ZBTB7C: variants seen among roughly 807,000 people sequenced by gnomAD.
ZBTB7C encodes zinc finger and BTB domain-containing protein 7C.
Under a neutral mutation model 25.7 loss-of-function variants are expected in ZBTB7C, and 8 were observed. The ratio of observed to expected loss-of-function variants is 0.31; its 90% CI spans 0.18 to 0.56. ZBTB7C has a LOEUF of 0.56. Ranked by LOEUF, ZBTB7C falls within the 20% of genes least tolerant of loss-of-function variation. The pLI, the probability that ZBTB7C is intolerant of heterozygous loss-of-function variation, is 0.91. For synonymous variants in ZBTB7C, 394 were observed against 369.0 expected (o/e 1.07, Z -0.78); for missense variants, 824 against 855.2 (o/e 0.96, Z 0.46).
chr18:48,303,062 A>C lies in ZBTB7C; in HGVS notation c.-79+35112T>G, dbSNP rs547235375. On this transcript the variant is annotated intron_variant, in intron 2 of 4. Transcript: ENST00000590800. ...GTCTCCCCTCCCTCGCTTCCCTATT[A>C]CTGGGAGTGCTTAATGTGCACCCAT... Among the ~76,000 whole-genome samples the C allele has an allele frequency of 2.6e-5, 4 of 152,272 alleles. No individual in the cohort carries two copies. In the South Asian group the frequency reaches 8.3e-4, roughly 32 times the overall value.
At chr18:48,287,842 C>CTGTTAA (rs1598787404) in intron 2 of ZBTB7C, among the ~76,000 whole-genome samples, 1 of 152,276 alleles carries the variant, frequency 6.6e-6, no homozygotes, top group East Asian at 1.9e-4. Flanking sequence ...GTAAGGGAGA[C>CTGTTAA]ACCTGATAAA....
chr18:48,284,290 T>C (rs1002147458), intron 2 of ZBTB7C, among the ~76,000 whole-genome samples: 14 of 152,032 alleles, frequency 9.2e-5, no homozygotes, highest in Admixed American at 8.5e-4. Flanking sequence ...AAAATAAAAA[T>C]TAGCCTGGCA....
chr18:48,318,822 G>A (rs957729326), intron 2 of ZBTB7C, among the ~76,000 whole-genome samples: 20 of 152,162 alleles, frequency 1.3e-4, no homozygotes, highest in Non-Finnish European at 1.6e-4. Flanking sequence ...TGGGTCCCTG[G>A]TATGGAGGGG....
At chr18:48,351,909 A>G (rs888052989) in intron 1 of ZBTB7C, among the ~76,000 whole-genome samples, 2 of 152,076 alleles carry the variant, frequency 1.3e-5, no homozygotes, top group Non-Finnish European at 2.9e-5. Context: ...GAGCAGACAG[A>G]GGGGAGTGCT....
At chr18:48,278,154 AC>A (rs2044723308) in intron 2 of ZBTB7C, among the ~76,000 whole-genome samples, 2 of 152,204 alleles carry the variant, frequency 1.3e-5, no homozygotes, top group African/African-American at 4.8e-5. Flanking sequence ...TCTGGGCTTG[AC>A]GTGATCTTGC....
At chr18:48,390,732 G>A (rs796744005) in intron 1 of ZBTB7C, among the ~76,000 whole-genome samples, 13 of 152,266 alleles carry the variant, frequency 8.5e-5, no homozygotes, top group African/African-American at 2.4e-4. Context: ...CAGCCCCAGC[G>A]GGCCACAGTT....
intron 2 of ZBTB7C, among the ~76,000 whole-genome samples, chr18:48,254,208 G>A (rs1045963258): frequency 6.6e-6 from 1 of 152,238 alleles, no homozygotes; most frequent in African/African-American, 2.4e-5. Context: ...ACATAGACAA[G>A]AAAGCTGGAA....
rs149096957 is a variant in ZBTB7C at position 48,371,089 on chromosome 18, GGA to G, written c.-303-32693_-303-32692del. ...TTCTCTGCATGTCTCAAGTTTTTCT[GGA>G]GAGAGAGTACCTAGCTTTCACTTAT... On this transcript the variant is annotated intron_variant, in intron 1 of 4. Transcript: ENST00000590800. Among the ~76,000 whole-genome samples the G allele has an allele frequency of 9.6e-3, 1,469 of 152,268 alleles. 29 individuals carry two copies. The highest frequency in any genetic ancestry group is 0.033 in the African/African-American group (1,364 of 41,558).
chr18:48,330,456 C>A (rs2046318369), intron 2 of ZBTB7C, among the ~76,000 whole-genome samples: 1 of 152,126 alleles, frequency 6.6e-6, no homozygotes, highest in Non-Finnish European at 1.5e-5. Context: ...ACCGGGCCAG[C>A]TTCATGGTGT....
intron 3 of ZBTB7C, among the ~76,000 whole-genome samples, chr18:48,060,018 C>A (rs969670307): frequency 3.3e-5 from 5 of 152,106 alleles, no homozygotes; most frequent in Admixed American, 3.3e-4. Flanking sequence ...AGGAGGAGAG[C>A]CCCTTTGTAA....
chr18:48,402,711 C>T (rs947021911), intron 1 of ZBTB7C, among the ~76,000 whole-genome samples: 3 of 151,886 alleles, frequency 2.0e-5, no homozygotes, highest in African/African-American at 7.3e-5. Flanking sequence ...AATGTTTTTC[C>T]CAATTATATT....
rs540072636 is a variant in ZBTB7C at position 48,078,154 on chromosome 18, T to C, written c.-16-37031A>G. 3.9e-5 allele frequency among the ~76,000 whole-genome samples: 6 copies of C among 152,328 alleles called. No individual in the cohort carries two copies. In the South Asian group the frequency reaches 1.0e-3, roughly 26 times the overall value. Reference sequence around the variant, plus strand: ...AGATGGCCCTCTGGCTTATCTCGCATGATTCCAAATACCCATCATTCATTC... The same window carrying C: ...AGATGGCCCTCTGGCTTATCTCGCACGATTCCAAATACCCATCATTCATTC... On this transcript the variant is annotated intron_variant, in intron 3 of 4. Transcript: ENST00000590800.
chr18:48,299,196 G>A (rs2045478825), intron 2 of ZBTB7C, among the ~76,000 whole-genome samples: 1 of 152,136 alleles, frequency 6.6e-6, no homozygotes, highest in East Asian at 1.9e-4. Flanking sequence ...GTACTCTTGG[G>A]TCTGGGAGCT....
intron 2 of ZBTB7C, among the ~76,000 whole-genome samples, chr18:48,268,346 G>A (rs1001516679): frequency 1.3e-5 from 2 of 152,206 alleles, no homozygotes; most frequent in South Asian, 2.1e-4. Flanking sequence ...TTAGGGGAGA[G>A]AGACTTCAGC....
intron 3 of ZBTB7C, among the ~76,000 whole-genome samples, chr18:48,078,353 TG>T (rs142642165): frequency 0.064 from 9,671 of 152,118 alleles, 358 homozygotes; most frequent in Middle Eastern, 0.1. Context: ...TGGGAAAGTG[TG>T]GCTGTCTGAC....
rs770891197 is a variant in ZBTB7C, at chr18:48,117,923, T to TA, written c.-17+68010dup. Reference sequence around the variant, plus strand: ...ACAAAGCTTCGTGAAATTGATGAGTTAAAAAAAAAGGCATCTTGGAGCTTT... The same window carrying TA: ...ACAAAGCTTCGTGAAATTGATGAGTTAAAAAAAAAAGGCATCTTGGAGCTTT... On this transcript the variant is annotated intron_variant, in intron 3 of 4. Coordinates refer to ENST00000590800, the MANE Select transcript of ZBTB7C (RefSeq NM_001318841.2). 2.1e-4 allele frequency among the ~76,000 whole-genome samples: 31 copies of TA among 149,958 alleles called. No homozygotes were observed. The East Asian group carries it at 2.3e-3, about 11-fold the overall frequency.
At chr18:48,305,474 A>G (rs866579365) in intron 2 of ZBTB7C, among the ~76,000 whole-genome samples, 9 of 152,312 alleles carry the variant, frequency 5.9e-5, no homozygotes, top group Middle Eastern at 6.8e-3. Flanking sequence ...CAAACTATGC[A>G]TAATCACTGA....
intron 3 of ZBTB7C, among the ~76,000 whole-genome samples, chr18:48,145,610 A>C (rs1030166690): frequency 6.6e-6 from 1 of 152,252 alleles, no homozygotes. Context: ...TCAGATAAGA[A>C]GAGGAAGTGG....
At chr18:48,078,319 G>A (rs1466008683) in intron 3 of ZBTB7C, among the ~76,000 whole-genome samples, 1 of 152,120 alleles carries the variant, frequency 6.6e-6, no homozygotes, top group African/African-American at 2.4e-5. Flanking sequence ...CACATGCAAG[G>A]CCCCTTTGGT....
Sources: gnomAD v4.1 joint callset for allele counts (sites outside exome capture counted in the v4.1 genomes callset) on GRCh38, gnomAD v4.1.1 for gene constraint, MANE v1.5 for transcripts, NCBI Gene and HGNC (gene_info 2026-07-23, HGNC 2026-07-21) for gene names.